The following CSMD3 variants were observed in gnomAD, a reference collection of about 807,000 sequenced individuals.
CSMD3 encodes CUB and Sushi multiple domains 3.
Under a neutral mutation model 435.2 loss-of-function variants are expected in CSMD3, and 177 were observed. The ratio of observed to expected loss-of-function variants is 0.41; its 90% CI spans 0.36 to 0.46. The LOEUF (loss-of-function observed/expected upper bound fraction) is 0.46. Among genes scored for constraint, CSMD3 ranks in the 20% least tolerant of loss-of-function variants. The pLI, the probability that CSMD3 is intolerant of heterozygous loss-of-function variation, is 0.34. For synonymous variants in CSMD3, 1,656 were observed against 1,520.5 expected (o/e 1.09, Z -2.07); for missense variants, 4,265 against 4,504.6 (o/e 0.95, Z 1.52).
At chr8:112,517,333 A>G in intron 27 of CSMD3, 108 bp from the exon 28 acceptor site, 1 of 720,122 alleles carries the variant, frequency 1.4e-6, no homozygotes, top group Non-Finnish European at 2.4e-6. Context: ...GTCAATTTTT[A>G]AATGCTATAC....
At position 112,682,504 on chromosome 8, in the gene CSMD3, G is replaced by A; in HGVS notation, c.2615C>T (p.Thr872Ile). Residue 872 changes from threonine to isoleucine, a missense_variant, in exon 16 of 71, where the codon ACA (threonine) becomes ATA (isoleucine). By Grantham distance (89) the Thr-to-Ile change is moderately conservative. Coordinates refer to ENST00000297405, the MANE Select transcript of CSMD3 (RefSeq NM_198123.2). The stretch of plus-strand genomic sequence containing the variant: ...TCCATCCATAAGAATACATGTAATT[G>A]TTTCTGTTCCCTGGGTTTTAATAAA... ...EGFIKTQGTE[T>I]ITCILMDGKV... 1 of 1,613,504 alleles carries A rather than the reference G, an allele frequency of 6.2e-7. No individual in the cohort carries two copies. The highest frequency in any genetic ancestry group is 1.1e-5 in the South Asian group (1 of 91,060).
chr8:112,552,470 G>A (rs1827771490), intron 26 of CSMD3, 124 bp downstream of exon 26: 8 of 964,592 alleles, frequency 8.3e-6, no homozygotes, highest in Non-Finnish European at 1.2e-5. Context: ...GGATGTCAGA[G>A]CAAGACTCTG....
intron 5 of CSMD3, among the ~76,000 whole-genome samples, chr8:113,019,548 CTTA>C (rs1367429385): frequency 2.7e-5 from 4 of 148,428 alleles, no homozygotes; most frequent in African/African-American, 4.9e-5. Flanking sequence ...TTTATTATAT[CTTA>C]TTTATTATTT....
intron 38 of CSMD3, among the ~76,000 whole-genome samples, chr8:112,360,536 A>G (rs1827088448): frequency 6.6e-6 from 1 of 151,748 alleles, no homozygotes; most frequent in Admixed American, 6.6e-5. Flanking sequence ...GAGATAAATA[A>G]CCAAATGTAA....
chr8:113,119,142 T>C (rs1053837394), intron 4 of CSMD3, among the ~76,000 whole-genome samples: 4 of 152,166 alleles, frequency 2.6e-5, no homozygotes, highest in African/African-American at 9.7e-5. Flanking sequence ...TTCTATATTT[T>C]AAATAACAGT....
chr8:113,016,908 T>A (rs944924482), intron 6 of CSMD3, among the ~76,000 whole-genome samples: 61 of 151,968 alleles, frequency 4.0e-4, no homozygotes, highest in Non-Finnish European at 2.1e-4. Context: ...AAGATTTACT[T>A]CTCAATTGAA....
chr8:112,593,232 C>G (rs769921133), intron 22 of CSMD3, among the ~76,000 whole-genome samples: 1 of 151,956 alleles, frequency 6.6e-6, no homozygotes, highest in African/African-American at 2.4e-5. Flanking sequence ...AAAACATGAC[C>G]AACTTTGAGA....
Position 112,976,128 on chromosome 8 carries a change from T to A in CSMD3, c.1051A>T (p.Thr351Ser), listed in dbSNP as rs1420727864. ...TCCTCTAACTCACCAGTGGAGGTAG[T>A]GTGGGTCAATGTAGAAGAACCTGTG... ...PYQGSSTLTH[T>S]TSTGELEEHN... Residue 351 changes from threonine (T) to serine (S), a missense_variant, in exon 7 of 71, where the codon ACT becomes TCT. By Grantham distance (58) the Thr-to-Ser change is moderately conservative (BLOSUM62 1). Transcript: ENST00000297405. 1.9e-6 allele frequency: 3 copies of A among 1,613,982 alleles called. No individual in the cohort carries two copies. The South Asian group carries it at 3.3e-5, about 18-fold the overall frequency.
intron 5 of CSMD3, among the ~76,000 whole-genome samples, chr8:113,061,179 T>C (rs573621585): frequency 6.6e-6 from 1 of 152,276 alleles, no homozygotes; most frequent in East Asian, 1.9e-4. Flanking sequence ...AGGTCCCATA[T>C]TTCTCTGATC....
intron 30 of CSMD3, among the ~76,000 whole-genome samples, chr8:112,495,856 C>T (rs1009020666): frequency 2.0e-5 from 3 of 151,502 alleles, no homozygotes; most frequent in Admixed American, 6.6e-5. Context: ...TATTTTAGAT[C>T]GCTGCATCTA....
At chr8:112,523,285 C>T (rs893876574) in intron 27 of CSMD3, among the ~76,000 whole-genome samples, 1 of 151,814 alleles carries the variant, frequency 6.6e-6, no homozygotes, top group South Asian at 2.1e-4. Context: ...TAAAACTGGC[C>T]TAGGAATATT....
At chr8:112,582,043 G>A (rs975363834) in intron 23 of CSMD3, among the ~76,000 whole-genome samples, 6 of 152,038 alleles carry the variant, frequency 3.9e-5, no homozygotes, top group South Asian at 2.1e-4. Flanking sequence ...ATCTCATGTC[G>A]GAATGTGATT....
intron 4 of CSMD3, among the ~76,000 whole-genome samples, chr8:113,130,813 T>G (rs2091265758): frequency 6.6e-6 from 1 of 152,126 alleles, no homozygotes; most frequent in South Asian, 2.1e-4. Context: ...ACCGAAATGC[T>G]GATAGTGATA....
chr8:112,375,321 C>G (rs1331278303), intron 38 of CSMD3, among the ~76,000 whole-genome samples: 2 of 152,122 alleles, frequency 1.3e-5, no homozygotes, highest in Non-Finnish European at 2.9e-5. Flanking sequence ...CAGTTCTAAG[C>G]AGAGTGTCCT....
intron 13 of CSMD3, among the ~76,000 whole-genome samples, chr8:112,767,985 G>A (rs2078021336): frequency 6.6e-6 from 1 of 151,658 alleles, no homozygotes; most frequent in African/African-American, 2.4e-5. Flanking sequence ...CAATTTAGAT[G>A]AATACAATCA....
At chr8:112,693,335 C>A (rs1001750996) in intron 13 of CSMD3, among the ~76,000 whole-genome samples, 1 of 151,920 alleles carries the variant, frequency 6.6e-6, no homozygotes, top group Non-Finnish European at 1.5e-5. Flanking sequence ...ATACCTTCTT[C>A]GAAAAATTGT....
At chr8:113,048,372 C>A (rs1250527586) in intron 5 of CSMD3, among the ~76,000 whole-genome samples, 1 of 152,090 alleles carries the variant, frequency 6.6e-6, no homozygotes, top group African/African-American at 2.4e-5. Context: ...GGATTACAGG[C>A]GTGAGCCACC....
chr8:112,377,641 A>G (rs7835440), intron 38 of CSMD3, among the ~76,000 whole-genome samples: 3,176 of 152,204 alleles, frequency 0.021, 97 homozygotes, highest in African/African-American at 0.072. Context: ...TAAAAACATC[A>G]TATACCACAA....
At chr8:112,443,013 T>G (rs751275963) in intron 32 of CSMD3, among the ~76,000 whole-genome samples, 6 of 152,208 alleles carry the variant, frequency 3.9e-5, no homozygotes, top group Non-Finnish European at 8.8e-5. Context: ...ACTTTCTTAG[T>G]CTCTATCCTA....
Sources: gnomAD v4.1 joint callset for allele counts (sites outside exome capture counted in the v4.1 genomes callset) on GRCh38, gnomAD v4.1.1 for gene constraint, MANE v1.5 for transcripts, NCBI Gene and HGNC (gene_info 2026-07-23, HGNC 2026-07-21) for gene names.